ATP6V1E2: variants seen among roughly 807,000 people sequenced by gnomAD.
The protein encoded by ATP6V1E2 is ATPase H+ transporting V1 subunit E2.
For synonymous variants in ATP6V1E2, 121 were observed against 104.2 expected (o/e 1.16, Z -0.98); for missense variants, 308 against 273.3 (o/e 1.13, Z -0.90).
At chr2:46,540,613 CT>C (rs59810518) in intron 2 of ATP6V1E2, among the ~76,000 whole-genome samples, 59 of 115,652 alleles carry the variant, frequency 5.1e-4, no homozygotes, top group Admixed American at 7.5e-4. Flanking sequence ...TTTTCTGTAA[CT>C]TTTTTTTTTT....
At chr2:46,531,542 C>T (rs1667179787) in intron 4 of ATP6V1E2, among the ~76,000 whole-genome samples, 1 of 152,156 alleles carries the variant, frequency 6.6e-6, no homozygotes, top group Admixed American at 6.5e-5. Flanking sequence ...TGGATATATA[C>T]CTAGCTCTAG....
intron 4 of ATP6V1E2, among the ~76,000 whole-genome samples, chr2:46,518,489 C>A (rs1357017914): frequency 3.7e-5 from 2 of 54,502 alleles, no homozygotes; most frequent in East Asian, 4.0e-4. Context: ...CACACACACA[C>A]AACACACACA....
chr2:46,525,097 CA>C, intron 4 of ATP6V1E2, among the ~76,000 whole-genome samples: 1 of 152,304 alleles, frequency 6.6e-6, no homozygotes, highest in Admixed American at 6.5e-5. Flanking sequence ...ATGTGGCCCA[CA>C]AGCTGTTGGG....
intron 4 of ATP6V1E2, among the ~76,000 whole-genome samples, chr2:46,516,421 G>A (rs545742688): frequency 2.0e-5 from 3 of 152,270 alleles, no homozygotes; most frequent in Admixed American, 6.5e-5. Context: ...ACACATTTTT[G>A]AACAACCAAG....
At chr2:46,526,693 T>C (rs984152936) in intron 4 of ATP6V1E2, among the ~76,000 whole-genome samples, 4 of 152,248 alleles carry the variant, frequency 2.6e-5, no homozygotes, top group African/African-American at 9.6e-5. Flanking sequence ...GGATTCCCCA[T>C]GTTGTAGCAC....
chr2:46,517,090 C>T (rs145319111), intron 4 of ATP6V1E2, among the ~76,000 whole-genome samples: 155 of 152,186 alleles, frequency 1.0e-3, no homozygotes, highest in African/African-American at 3.4e-3. Flanking sequence ...ACATATACTA[C>T]GAAGTTAAAG....
chr2:46,542,388 A>G lies in ATP6V1E2; in HGVS notation c.-545T>C, dbSNP rs1472967218. The G allele has an allele frequency of 4.0e-5, 6 of 151,384 alleles. No individual in the cohort carries two copies. Among genetic ancestry groups the G allele is most frequent in the African/African-American group, 1.5e-4 (6 of 41,280 alleles). 9.4% of individuals were successfully genotyped at this position (151,384 alleles called of 1,614,324 possible). ...AGAGGCCTCCACGTCTTCTCCCAGC[A>G]TCGGGGCCTTTGGACGCTTCCGGGC... On this transcript the variant is annotated 5_prime_UTR_variant, in exon 1 of 5. The change abolishes an upstream ATG in the 5' untranslated region. Coordinates refer to ENST00000522587, the MANE Select transcript of ATP6V1E2 (RefSeq NM_001318063.2).
intron 2 of ATP6V1E2, among the ~76,000 whole-genome samples, chr2:46,538,849 A>G (rs908139697): frequency 1.3e-5 from 2 of 152,194 alleles, no homozygotes; most frequent in African/African-American, 4.8e-5. Flanking sequence ...CATGCCTATA[A>G]TCCCAGCTTC....
At chr2:46,521,994 C>T (rs560518010) in intron 4 of ATP6V1E2, among the ~76,000 whole-genome samples, 1 of 152,250 alleles carries the variant, frequency 6.6e-6, no homozygotes, top group African/African-American at 2.4e-5. Context: ...CAGGCCCTGT[C>T]TTTCAAAAAG....
In ATP6V1E2 at chr2:46,512,104, G is replaced by A; in HGVS notation, c.608C>T (p.Ser203Leu). ...TATTTCTGGCATCTTTTGCTTGGCT[G>A]AGAGATCCAGTCGGCTTTCCAAGGT... ...SNTLESRLDL[S>L]AKQKMPEIRM... The change falls in exon 5 of 5, where the codon TCA (serine) becomes TTA (leucine). Residue 203 changes from serine (S) to leucine (L), a missense_variant. Ser to Leu is a moderately radical substitution (Grantham distance 145). Coordinates refer to ENST00000522587, the MANE Select transcript of ATP6V1E2 (RefSeq NM_001318063.2). The A allele has an allele frequency of 6.2e-7, 1 of 1,614,050 alleles. No homozygotes were observed.
In ATP6V1E2 at chr2:46,515,561, T is replaced by C. The variant is rs1457700417; in HGVS notation, c.-101-2749A>G. On this transcript the variant is annotated intron_variant, in intron 4 of 4. Coordinates refer to ENST00000522587, the MANE Select transcript of ATP6V1E2 (RefSeq NM_001318063.2). Reference sequence around the variant, plus strand: ...GTTGCCACCAGGGGTTGGGGGCAGGTATGGGGGAGTCAAACACAAGGAAGA... The same window carrying C: ...GTTGCCACCAGGGGTTGGGGGCAGGCATGGGGGAGTCAAACACAAGGAAGA... Among the ~76,000 whole-genome samples, 3 of 151,546 alleles carry C rather than the reference T, an allele frequency of 2.0e-5. No individual in the cohort carries two copies. The East Asian group carries it at 5.8e-4, about 29-fold the overall frequency.
At chr2:46,525,547 G>T (rs1322195690) in intron 4 of ATP6V1E2, among the ~76,000 whole-genome samples, 1 of 151,840 alleles carries the variant, frequency 6.6e-6, no homozygotes, top group Non-Finnish European at 1.5e-5. Flanking sequence ...GAAGGCAAGG[G>T]CGAGAGAGTT....
chr2:46,536,137 GA>G (rs1470359032), intron 3 of ATP6V1E2, among the ~76,000 whole-genome samples: 3 of 152,288 alleles, frequency 2.0e-5, no homozygotes, highest in African/African-American at 7.2e-5. Flanking sequence ...GGTTGCAGCA[GA>G]AAACAGTTAG....
At chr2:46,524,850 GAC>G (rs1431920468) in intron 4 of ATP6V1E2, among the ~76,000 whole-genome samples, 1 of 152,202 alleles carries the variant, frequency 6.6e-6, no homozygotes, top group African/African-American at 2.4e-5. Context: ...TGTCTAGAAA[GAC>G]ACTGGGGTGT....
chr2:46,518,825 G>A (rs990607036), intron 4 of ATP6V1E2: 5 of 145,454 alleles, frequency 3.4e-5, no homozygotes, highest in Admixed American at 2.8e-4. Context: ...AAGGCTCCCC[G>A]GGTAACCGTG....
chr2:46,521,703 T>A (rs558501763), intron 4 of ATP6V1E2, among the ~76,000 whole-genome samples: 47 of 152,268 alleles, frequency 3.1e-4, no homozygotes, highest in Non-Finnish European at 5.9e-5. Flanking sequence ...CTTTTTCTTT[T>A]TCTTTGAGAC....
At chr2:46,515,603 G>A (rs1172180066) in intron 4 of ATP6V1E2, among the ~76,000 whole-genome samples, 9 of 152,056 alleles carry the variant, frequency 5.9e-5, no homozygotes, top group Non-Finnish European at 1.0e-4. Flanking sequence ...GAGAGGAAAA[G>A]AGAGACAAAA....
At chr2:46,532,069 T>G (rs553597937) in intron 4 of ATP6V1E2, among the ~76,000 whole-genome samples, 70 of 152,368 alleles carry the variant, frequency 4.6e-4, no homozygotes, top group African/African-American at 1.6e-3. Context: ...TTACTTTTGT[T>G]GTTATGCTTT....
chr2:46,517,474 T>C (rs930195601), intron 4 of ATP6V1E2, among the ~76,000 whole-genome samples: 4 of 151,998 alleles, frequency 2.6e-5, no homozygotes, highest in Middle Eastern at 3.2e-3. Flanking sequence ...AAAGCAAAAA[T>C]AGACAAATGA....
Sources: gnomAD v4.1 joint callset for allele counts (sites outside exome capture counted in the v4.1 genomes callset) on GRCh38, gnomAD v4.1.1 for gene constraint, MANE v1.5 for transcripts, NCBI Gene and HGNC (gene_info 2026-07-23, HGNC 2026-07-21) for gene names.